The following MORC1 variants were observed in gnomAD, a reference collection of about 807,000 sequenced individuals.
The protein encoded by MORC1 is MORC family CW-type zinc finger protein 1.
In MORC1, 59 loss-of-function variants were observed where a neutral mutation model predicts 134.9. The observed-to-expected ratio is 0.44, with a 90% CI of 0.35 to 0.54. MORC1 has a LOEUF of 0.54. Ranked by LOEUF, MORC1 falls within the 20% of genes least tolerant of loss-of-function variation. MORC1 has a pLI of 0.00. For missense variants in MORC1, 947 were observed against 1,134.5 expected, an observed-to-expected ratio of 0.83 and a Z score of 2.37; for synonymous variants, 395 against 391.7, an observed-to-expected ratio of 1.01 and a Z score of -0.10.
chr3:109,000,885 T>G (rs900902977), intron 20 of MORC1, among the ~76,000 whole-genome samples: 14 of 152,206 alleles, frequency 9.2e-5, no homozygotes, highest in African/African-American at 3.1e-4. Flanking sequence ...ATTAATTATA[T>G]TTCCTGCACC....
At chr3:109,006,932 C>T in intron 18 of MORC1, 97 bp downstream of exon 18, 1 of 884,884 alleles carries the variant, frequency 1.1e-6, no homozygotes, top group Non-Finnish European at 1.7e-6. Flanking sequence ...ACTATGTGAA[C>T]CTCATAAACC....
intron 21 of MORC1, among the ~76,000 whole-genome samples, chr3:108,996,308 A>ACACACACACACACACACACACACACAAC (rs1553745343): frequency 6.6e-6 from 1 of 151,222 alleles, no homozygotes; most frequent in Non-Finnish European, 1.5e-5. Flanking sequence ...ACACACACAC[A>ACACACACACACACACACACACACACAAC]ACTAGAATTT....
intron 21 of MORC1, among the ~76,000 whole-genome samples, chr3:108,994,340 C>A (rs1256759344): frequency 6.6e-6 from 1 of 151,722 alleles, no homozygotes; most frequent in Non-Finnish European, 1.5e-5. Flanking sequence ...GCTCTTGAGG[C>A]CAGCTGCAAG....
chr3:109,050,057 G>A (rs1949785528), intron 14 of MORC1, among the ~76,000 whole-genome samples: 1 of 152,014 alleles, frequency 6.6e-6, no homozygotes, highest in Non-Finnish European at 1.5e-5. Flanking sequence ...ATCCTCCTGG[G>A]CCCCAAGCAG....
intron 12 of MORC1, 94 bp downstream of exon 12, chr3:109,059,712 G>T: frequency 9.7e-7 from 1 of 1,026,942 alleles, no homozygotes; most frequent in Non-Finnish European, 1.4e-6. Context: ...AAAAAAAATT[G>T]TCACAATAAC....
chr3:108,965,093 G>A (rs1241950421), intron 26 of MORC1, among the ~76,000 whole-genome samples: 2 of 152,102 alleles, frequency 1.3e-5, no homozygotes, highest in Admixed American at 6.6e-5. Context: ...TAACTCAGCT[G>A]GAATAAGGAG....
At chr3:109,094,386 T>C (rs1348109510) in intron 7 of MORC1, among the ~76,000 whole-genome samples, 1 of 152,206 alleles carries the variant, frequency 6.6e-6, no homozygotes, top group Non-Finnish European at 1.5e-5. Context: ...GTCTAAATCC[T>C]GGATCAACTG....
intron 9 of MORC1, among the ~76,000 whole-genome samples, chr3:109,067,623 T>C (rs1250509339): frequency 6.6e-6 from 1 of 152,218 alleles, no homozygotes; most frequent in Non-Finnish European, 1.5e-5. Context: ...ATCGGCTATA[T>C]TGATTGATCC....
chr3:109,073,186 C>G (rs550402867), intron 8 of MORC1, among the ~76,000 whole-genome samples: 1 of 152,150 alleles, frequency 6.6e-6, no homozygotes, highest in Non-Finnish European at 1.5e-5. Flanking sequence ...CCAATCTGTC[C>G]ACAGTATTCT....
intron 24 of MORC1, 112 bp downstream of exon 24, chr3:108,979,403 C>T: frequency 8.7e-7 from 1 of 1,152,662 alleles, no homozygotes; most frequent in African/African-American, 1.5e-5. Flanking sequence ...CATAATGTCA[C>T]TCTACTGAAT....
chr3:109,024,017 T>C (rs1464167400), intron 17 of MORC1, among the ~76,000 whole-genome samples: 1 of 152,230 alleles, frequency 6.6e-6, no homozygotes, highest in African/African-American at 2.4e-5. Context: ...TCTTGGCTTG[T>C]TGACATAGCT....
chr3:109,081,978 T>C (rs534824454), intron 8 of MORC1, among the ~76,000 whole-genome samples: 1 of 152,090 alleles, frequency 6.6e-6, no homozygotes. Context: ...TTGAGGACAG[T>C]AGGAAACTAC....
rs1196912281 is a variant in MORC1 at position 109,118,084 on chromosome 3, T to G, written c.-25A>C. The G allele has an allele frequency of 1.1e-5, 18 of 1,598,594 alleles. No homozygotes were observed. Among genetic ancestry groups the G allele is most frequent in the Non-Finnish European group, 1.5e-5 (17 of 1,172,294 alleles). Reference sequence around the variant, plus strand: ...TGCCCTCGAACACGACCCGCGCAACTCAAGGGGACAAGGACACCTGACCGG... The same window carrying G: ...TGCCCTCGAACACGACCCGCGCAACGCAAGGGGACAAGGACACCTGACCGG... On this transcript the variant is annotated 5_prime_UTR_variant, in exon 1 of 28. Coordinates refer to ENST00000232603, the MANE Select transcript of MORC1 (RefSeq NM_014429.4).
chr3:108,994,363 C>G (rs2107499262), intron 21 of MORC1, among the ~76,000 whole-genome samples: 1 of 151,662 alleles, frequency 6.6e-6, no homozygotes. Flanking sequence ...AAAAGAAGAC[C>G]TAAATGACCA....
At position 109,095,079 on chromosome 3, in the gene MORC1, A is replaced by G; in HGVS notation, c.424-11T>C. 1 of 1,562,994 alleles carries G rather than the reference A, an allele frequency of 6.4e-7. No individual in the cohort carries two copies. Among genetic ancestry groups the G allele is most frequent in the Non-Finnish European group, 8.6e-7 (1 of 1,163,378 alleles). On this transcript the variant is annotated splice_polypyrimidine_tract_variant and intron_variant, in intron 6 of 27. Coordinates refer to ENST00000232603, the MANE Select transcript of MORC1 (RefSeq NM_014429.4). Reference sequence around the variant, plus strand: ...CATTGGAACTACAACCTATTTAAAAAAAAACACATCAATTTACTATGAAAT... The same window carrying G: ...CATTGGAACTACAACCTATTTAAAAGAAAACACATCAATTTACTATGAAAT...
chr3:109,005,357 C>G, intron 18 of MORC1, 42 bp from the exon 19 acceptor site: 1 of 1,503,124 alleles, frequency 6.7e-7, no homozygotes, highest in Non-Finnish European at 8.9e-7. Flanking sequence ...TGGTAGATAG[C>G]CTATTTATAA....
rs1156730181 is a variant in MORC1 at position 108,959,057 on chromosome 3, T to C, written c.2863A>G (p.Asn955Asp). 9.5e-6 allele frequency: 15 copies of C among 1,575,878 alleles called. No individual in the cohort carries two copies. The highest frequency in any genetic ancestry group is 1.2e-5 in the Non-Finnish European group (14 of 1,161,420). ...TTTAAATTGTTCTGGAAGAGAAGAT[T>C]ATCTTCTTTAAGCAAAGCTTCTAAA... ...TYLEALLKED[N>D]LLFQNNLNKV... The change falls in exon 28 of 28, where the codon AAT (asparagine) becomes GAT (aspartate). Residue 955 changes from asparagine to aspartate, a missense_variant. By Grantham distance (23) the Asn-to-Asp change is conservative. Around this residue, in one of 3 missense-constraint regions of MORC1, gnomAD observed 722 missense variants for 817.0 expected, o/e 0.88. Coordinates refer to ENST00000232603, the MANE Select transcript of MORC1 (RefSeq NM_014429.4).
chr3:109,011,343 C>T (rs539218801), intron 17 of MORC1, among the ~76,000 whole-genome samples: 15 of 152,292 alleles, frequency 9.8e-5, no homozygotes, highest in African/African-American at 3.4e-4. Context: ...CTTTATCCAT[C>T]GTAGTGAGTG....
chr3:109,003,918 T>C (rs551712212), intron 20 of MORC1, among the ~76,000 whole-genome samples: 7 of 152,314 alleles, frequency 4.6e-5, no homozygotes, highest in African/African-American at 1.4e-4. Context: ...TCAGAGAGTC[T>C]GTATACCATT....
Sources: allele counts gnomAD v4.1 joint callset (sites outside exome capture counted in the v4.1 genomes callset), GRCh38; gene constraint gnomAD v4.1.1; regional missense constraint gnomAD v4.1.1; transcripts MANE v1.5; gene names NCBI Gene and HGNC (gene_info 2026-07-23, HGNC 2026-07-21).